TMX2: variants seen among roughly 807,000 people sequenced by gnomAD.
The protein encoded by TMX2 is thioredoxin related transmembrane protein 2.
In TMX2, 20 loss-of-function variants were observed where a neutral mutation model predicts 33.4. The ratio of observed to expected loss-of-function variants is 0.60; its 90% CI spans 0.42 to 0.87. The LOEUF (loss-of-function observed/expected upper bound fraction) is 0.87, where lower values mean the gene tolerates loss of function less well. TMX2 is among the 40% of genes least tolerant of loss of function. TMX2 has a pLI of 0.00. For missense variants in TMX2, 340 were observed against 370.7 expected (o/e 0.92, Z 0.68); for synonymous variants, 166 against 140.7 (o/e 1.18, Z -1.27).
intron 1 of TMX2, among the ~76,000 whole-genome samples, chr11:57,732,584 ATTC>A (rs1258781806): frequency 1.3e-5 from 2 of 152,160 alleles, no homozygotes; most frequent in Admixed American, 1.3e-4. Context: ...GAAGTTTTAT[ATTC>A]TTACTCTGAT....
chr11:57,717,263 C>A (rs913258398), intron 1 of TMX2, among the ~76,000 whole-genome samples: 6 of 152,038 alleles, frequency 3.9e-5, no homozygotes, highest in African/African-American at 1.4e-4. Context: ...AGACGATGGG[C>A]GGCCAGGCAG....
intron 1 of TMX2, among the ~76,000 whole-genome samples, chr11:57,731,125 GTT>G (rs757832822): frequency 1.2e-4 from 10 of 85,820 alleles, no homozygotes; most frequent in African/African-American, 3.8e-4. Context: ...TTTGTTTTTT[GTT>G]TTTTTTTTTT....
intron 1 of TMX2, among the ~76,000 whole-genome samples, chr11:57,715,043 C>T: frequency 6.6e-6 from 1 of 152,156 alleles, no homozygotes; most frequent in Non-Finnish European, 1.5e-5. Flanking sequence ...GATACAGTTT[C>T]AAAGTTATCA....
At chr11:57,714,338 G>A (rs757244594) in intron 1 of TMX2, among the ~76,000 whole-genome samples, 1 of 152,170 alleles carries the variant, frequency 6.6e-6, no homozygotes, top group Non-Finnish European at 1.5e-5. Flanking sequence ...TATGATGTAG[G>A]CAAACAGGTA....
chr11:57,721,405 A>G (rs1947624238), intron 1 of TMX2, among the ~76,000 whole-genome samples: 1 of 143,130 alleles, frequency 7.0e-6, no homozygotes, highest in African/African-American at 2.6e-5. Flanking sequence ...CTGGAGTGCA[A>G]TGGCTCAGTC....
intron 1 of TMX2, among the ~76,000 whole-genome samples, chr11:57,724,066 T>C (rs963863695): frequency 2.6e-5 from 4 of 151,906 alleles, no homozygotes; most frequent in African/African-American, 9.7e-5. Flanking sequence ...CAGCTTCTTT[T>C]TTTAAAAAAA....
chr11:57,728,229 C>T (rs960050848), intron 1 of TMX2, among the ~76,000 whole-genome samples: 1 of 152,052 alleles, frequency 6.6e-6, no homozygotes, highest in African/African-American at 2.4e-5. Flanking sequence ...GTGGCGCCAT[C>T]TCGGCTCACT....
At chr11:57,727,416 A>G (rs773102629) in intron 1 of TMX2, among the ~76,000 whole-genome samples, 2 of 152,060 alleles carry the variant, frequency 1.3e-5, no homozygotes, top group African/African-American at 4.8e-5. Context: ...CATACATTCT[A>G]TGGAATGCTT....
At chr11:57,719,990 A>C (rs981107373) in intron 1 of TMX2, among the ~76,000 whole-genome samples, 4 of 151,724 alleles carry the variant, frequency 2.6e-5, no homozygotes, top group African/African-American at 9.7e-5. Context: ...TGAGGAAGAC[A>C]AAAAAAAGGT....
At chr11:57,730,502 C>T (rs987007641) in intron 1 of TMX2, among the ~76,000 whole-genome samples, 4 of 146,868 alleles carry the variant, frequency 2.7e-5, no homozygotes, top group Non-Finnish European at 5.9e-5. Flanking sequence ...TTTGGGAGGC[C>T]GAGGCGGGCA....
intron 3 of TMX2, 92 bp from the exon 4 acceptor site, chr11:57,738,262 A>G: frequency 1.1e-6 from 1 of 949,360 alleles, no homozygotes; most frequent in South Asian, 1.4e-5. Flanking sequence ...AGTGTGTATT[A>G]TTTGGGGGCT....
chr11:57,723,805 A>AAATAATAAT (rs71061533), intron 1 of TMX2, among the ~76,000 whole-genome samples: 5,925 of 142,308 alleles, frequency 0.042, 243 homozygotes, highest in African/African-American at 0.11. Flanking sequence ...TCTGTCTCAA[A>AAATAATAAT]AATAATAATA....
Position 57,739,030 on chromosome 11 carries a change from T to C in TMX2, c.605T>C (p.Val202Ala). The change falls in exon 6 of 8, where the codon GTT (valine) becomes GCT (alanine). Residue 202 changes from valine (V) to alanine (A), a missense_variant. This residue lies in a region of TMX2 where 209 missense variants were observed against 241.6 expected (regional missense o/e 0.87). Transcript: ENST00000278422. ...GKVDVGRYTD[V>A]STRYKVSTSP... ...GTGGATGTTGGACGCTATACTGATG[T>C]TAGTACGCGGTATGTAAAGACCTGG... is the stretch of plus-strand genomic sequence containing the variant. The C allele has an allele frequency of 6.2e-7, 1 of 1,614,182 alleles. No individual in the cohort carries two copies. The highest frequency in any genetic ancestry group is 8.5e-7 in the Non-Finnish European group (1 of 1,180,030).
chr11:57,735,078 C>T (rs1229574644), intron 1 of TMX2, among the ~76,000 whole-genome samples: 2 of 151,256 alleles, frequency 1.3e-5, no homozygotes, highest in Non-Finnish European at 1.5e-5. Flanking sequence ...TGCAATGAGC[C>T]GAGATCATGC....
chr11:57,735,604 C>G (rs79577237), intron 1 of TMX2, among the ~76,000 whole-genome samples: 1 of 152,144 alleles, frequency 6.6e-6, no homozygotes, highest in African/African-American at 2.4e-5. Context: ...AAAACAGACA[C>G]TTGGAGTGAG....
intron 1 of TMX2, among the ~76,000 whole-genome samples, chr11:57,729,147 TCTAAGA>T (rs983794715): frequency 2.4e-4 from 37 of 151,878 alleles, no homozygotes; most frequent in East Asian, 2.1e-3. Context: ...GAGAAACAAA[TCTAAGA>T]CTAAGGAGAA....
rs1211779449 is a variant in TMX2, at chr11:57,713,448, A to ATCTTTGGGATT, written c.189+651_189+661dup. On this transcript the variant is annotated intron_variant, in intron 1 of 7. Transcript: ENST00000278422. ...ATTGTAAAAAATACGTTGTAAAGAA[A>ATCTTTGGGATT]TCTTTGGGATTTCTTTGGGAAGTGT... Among the ~76,000 whole-genome samples, 3 of 152,120 alleles carry ATCTTTGGGATT rather than the reference A, an allele frequency of 2.0e-5. No homozygotes were observed. The East Asian group carries it at 5.8e-4, about 29-fold the overall frequency.
At chr11:57,715,586 C>CTTTTCTTTT (rs1555014354) in intron 1 of TMX2, among the ~76,000 whole-genome samples, 4 of 130,120 alleles carry the variant, frequency 3.1e-5, no homozygotes, top group African/African-American at 5.9e-5. Context: ...AATTTGTTTT[C>CTTTTCTTTT]TTTTTTTTTT....
intron 1 of TMX2, among the ~76,000 whole-genome samples, chr11:57,722,406 GC>G (rs556544129): frequency 3.4e-4 from 52 of 152,296 alleles, no homozygotes; most frequent in Middle Eastern, 6.8e-3. Flanking sequence ...TTTTGAAAAG[GC>G]CTTGAAAGAT....
Sources: allele counts gnomAD v4.1 joint callset (sites outside exome capture counted in the v4.1 genomes callset), GRCh38; gene constraint gnomAD v4.1.1; regional missense constraint gnomAD v4.1.1; transcripts MANE v1.5; gene names NCBI Gene and HGNC (gene_info 2026-07-23, HGNC 2026-07-21).